BCAS3: variants seen among roughly 807,000 people sequenced by gnomAD.
The protein encoded by BCAS3 is BCAS4/BCAS3 fusion.
In BCAS3, 53 loss-of-function variants were observed where a neutral mutation model predicts 116.1. That is an observed-to-expected ratio of 0.46 (90% confidence interval 0.37 to 0.57). The LOEUF is 0.57. BCAS3 is among the 20% of genes least tolerant of loss of function. BCAS3 has a pLI of 0.00. For missense variants in BCAS3, 917 were observed against 1,165.4 expected (o/e 0.79, Z 3.10); for synonymous variants, 391 against 408.2 (o/e 0.96, Z 0.51).
chr17:60,891,165 T>G (rs1478264247), intron 10 of BCAS3, among the ~76,000 whole-genome samples: 1 of 152,228 alleles, frequency 6.6e-6, no homozygotes, highest in African/African-American at 2.4e-5. Context: ...CTTCTAATGT[T>G]TCTATCTGTA....
At chr17:60,769,378 T>C (rs935444319) in intron 6 of BCAS3, among the ~76,000 whole-genome samples, 2 of 152,180 alleles carry the variant, frequency 1.3e-5, no homozygotes, top group African/African-American at 4.8e-5. Flanking sequence ...TGTGGTTTTC[T>C]TGTGCTCTGG....
At chr17:60,808,164 A>T in intron 7 of BCAS3, 88 bp downstream of exon 7, 1 of 919,802 alleles carries the variant, frequency 1.1e-6, no homozygotes, top group Admixed American at 2.2e-5. Context: ...AAACCTTTGT[A>T]ACCATAAGAC....
chr17:60,868,745 A>G, intron 8 of BCAS3, 62 bp downstream of exon 8: 1 of 993,562 alleles, frequency 1.0e-6, no homozygotes, highest in Non-Finnish European at 1.5e-6. Flanking sequence ...GGGCATGGAG[A>G]ACTCTACCAG....
rs535078911 is a variant in BCAS3 at position 61,174,100 on chromosome 17, A to C, written c.2425+89536A>C. On this transcript the variant is annotated intron_variant, in intron 22 of 23. Transcript: ENST00000407086. The stretch of plus-strand genomic sequence containing the variant: ...AAAATTGTTTAATATTTTTAAATTT[A>C]CAAATAAAAATTGTATATATTTGTG... Among the ~76,000 whole-genome samples, 5 of 152,364 alleles carry C rather than the reference A, an allele frequency of 3.3e-5. No individual in the cohort carries two copies. In the East Asian group the frequency reaches 9.6e-4, roughly 29 times the overall value.
chr17:61,092,199 T>G (rs1332966535), intron 22 of BCAS3, among the ~76,000 whole-genome samples: 1 of 152,250 alleles, frequency 6.6e-6, no homozygotes, highest in African/African-American at 2.4e-5. Context: ...AGTTCATTTT[T>G]AATATTGCAG....
At chr17:61,306,967 A>G (rs139489181) in intron 22 of BCAS3, among the ~76,000 whole-genome samples, 1 of 152,342 alleles carries the variant, frequency 6.6e-6, no homozygotes, top group African/African-American at 2.4e-5. Context: ...CTGGCTTCAG[A>G]TCTTTCCAGG....
intron 22 of BCAS3, among the ~76,000 whole-genome samples, chr17:61,172,824 A>T (rs1568503647): frequency 6.6e-6 from 1 of 151,634 alleles, no homozygotes; most frequent in Non-Finnish European, 1.5e-5. Context: ...CTCTACTAAA[A>T]ATACAAAAAG....
intron 14 of BCAS3, chr17:60,986,797 G>A (rs2145419668): frequency 6.6e-6 from 1 of 152,070 alleles, no homozygotes. Flanking sequence ...TCACTTTGTC[G>A]ATTGTTTCCT....
intron 6 of BCAS3, among the ~76,000 whole-genome samples, chr17:60,768,170 G>A (rs1289529797): frequency 6.6e-6 from 1 of 152,178 alleles, no homozygotes; most frequent in Non-Finnish European, 1.5e-5. Flanking sequence ...TTCTTTGGTT[G>A]TAAACAATAT....
intron 22 of BCAS3, among the ~76,000 whole-genome samples, chr17:61,237,377 A>C (rs2083143964): frequency 6.6e-6 from 1 of 152,224 alleles, no homozygotes. Context: ...GGAGGATTGA[A>C]AAAAGGGCAT....
rs530755095 is a variant in BCAS3 at position 60,967,503 on chromosome 17, T to C, written c.1221+20151T>C. ...TTGACCTTTGAGAGTTTCATTATTA[T>C]ACGTGTTAGAGTACTTTTATTTGGG... is the stretch of plus-strand genomic sequence containing the variant. On this transcript the variant is annotated intron_variant, in intron 14 of 23. Coordinates refer to ENST00000407086, the MANE Select transcript of BCAS3 (RefSeq NM_017679.5). The surrounding 1 kb of genome is among the most constrained non-coding windows in gnomAD (Gnocchi z 4.7). Among the ~76,000 whole-genome samples the C allele has an allele frequency of 6.6e-6, 1 of 152,354 alleles. No individual in the cohort carries two copies. The highest frequency in any genetic ancestry group is 2.1e-4 in the South Asian group (1 of 4,830).
intron 22 of BCAS3, among the ~76,000 whole-genome samples, chr17:61,191,770 G>A (rs1431349262): frequency 1.7e-4 from 17 of 102,872 alleles, no homozygotes; most frequent in African/African-American, 3.4e-4. Flanking sequence ...GTGAGACTCC[G>A]TCTCAAAAAA....
chr17:61,035,361 G>A (rs945951363), intron 17 of BCAS3, among the ~76,000 whole-genome samples: 2 of 152,108 alleles, frequency 1.3e-5, no homozygotes, highest in East Asian at 3.9e-4. Context: ...AGAGGTGGGC[G>A]ATCACGAGGT....
At chr17:60,899,566 T>G (rs2057743043) in intron 10 of BCAS3, among the ~76,000 whole-genome samples, 1 of 152,066 alleles carries the variant, frequency 6.6e-6, no homozygotes, top group African/African-American at 2.4e-5. Flanking sequence ...GGCGCAATCT[T>G]GGCTCACTGA....
At position 61,286,078 on chromosome 17, in the gene BCAS3, G is replaced by A. The variant is rs144714671; in HGVS notation, c.2426-82249G>A. On this transcript the variant is annotated intron_variant, in intron 22 of 23. Coordinates refer to ENST00000407086, the MANE Select transcript of BCAS3 (RefSeq NM_017679.5). This position sits in a 1 kb window ranked among gnomAD's most constrained non-coding sequence, Gnocchi z 4.8. The stretch of plus-strand genomic sequence containing the variant: ...TCATAAAGGAAACAACTGGTGGGAA[G>A]TTTTTTCCAGAGAGTTCCCAGTGTG... Among the ~76,000 whole-genome samples, 17 of 152,322 alleles carry A rather than the reference G, an allele frequency of 1.1e-4. 1 individual carries two copies. In the East Asian group the frequency reaches 3.3e-3, roughly 29 times the overall value.
chr17:61,314,035 T>C (rs1394699778), intron 22 of BCAS3, among the ~76,000 whole-genome samples: 2 of 152,222 alleles, frequency 1.3e-5, no homozygotes, highest in Non-Finnish European at 2.9e-5. Flanking sequence ...TTGCTTGGCA[T>C]CTTAGGATAG....
chr17:61,059,063 C>CTTTTTTTTTTTTTTTTTTTTTTTTTT lies in BCAS3; in HGVS notation c.2030-15845_2030-15820dup, dbSNP rs869090870. On this transcript the variant is annotated intron_variant, in intron 19 of 23. Transcript: ENST00000407086. ...TCCCCGAACTCTTTTTTCTCCCCAT[C>CTTTTTTTTTTTTTTTTTTTTTTTTTT]TTTTTTTTTTTTTTTTTTTTTTTTT... is the stretch of plus-strand genomic sequence containing the variant. Among the ~76,000 whole-genome samples the CTTTTTTTTTTTTTTTTTTTTTTTTTT allele has an allele frequency of 9.1e-5, 3 of 32,802 alleles. 1 individual carries two copies. The highest frequency in any genetic ancestry group is 2.0e-4 in the African/African-American group (2 of 10,190). The allele number at this position is 32,802 out of a possible 152,430, so 21.5% of individuals were successfully genotyped here. A position where few individuals can be genotyped will look rare whatever the true frequency, so the allele number is the denominator to read the frequency against.
chr17:60,889,830 A>G (rs1041798011), intron 10 of BCAS3, 59 bp downstream of exon 10: 18 of 1,440,668 alleles, frequency 1.2e-5, no homozygotes, highest in Admixed American at 6.8e-5. Flanking sequence ...AGGATTTTCC[A>G]TAAAAAATAC....
intron 13 of BCAS3, among the ~76,000 whole-genome samples, chr17:60,943,363 A>G (rs536999228): frequency 2.6e-5 from 4 of 152,180 alleles, no homozygotes; most frequent in African/African-American, 4.8e-5. Flanking sequence ...AGAAGCCTAT[A>G]TTGATAGATA....
Sources: allele counts gnomAD v4.1 joint callset (sites outside exome capture counted in the v4.1 genomes callset), GRCh38; gene constraint gnomAD v4.1.1; non-coding constraint Gnocchi (gnomAD v3.1); transcripts MANE v1.5; gene names NCBI Gene and HGNC (gene_info 2026-07-23, HGNC 2026-07-21).